Variants in COL14A1 observed in about 807,000 individuals in gnomAD.
The protein encoded by COL14A1 is collagen type XIV alpha 1 chain.
A neutral mutation model predicts 230.3 loss-of-function variants in COL14A1; 136 were observed. The observed-to-expected ratio is 0.59, with a 90% CI of 0.51 to 0.68. COL14A1 has a LOEUF of 0.68. Ranked by LOEUF, COL14A1 falls within the 30% of genes least tolerant of loss-of-function variation. The probability of loss-of-function intolerance (pLI) is 0.00; values close to 1 mark genes in which losing one functional copy is unlikely to be tolerated. For synonymous variants in COL14A1, 792 were observed against 784.1 expected (o/e 1.01, Z -0.17); for missense variants, 1,976 against 2,215.8 (o/e 0.89, Z 2.17).
rs557046624 is a variant in COL14A1 at position 120,236,757 on chromosome 8, G to A, written c.2349+5139G>A. Among the ~76,000 whole-genome samples, 19 of 152,220 alleles carry A rather than the reference G, an allele frequency of 1.2e-4. No homozygotes were observed. In the South Asian group the frequency reaches 3.1e-3, roughly 25 times the overall value. On this transcript the variant is annotated intron_variant, in intron 19 of 47. Coordinates refer to ENST00000297848, the MANE Select transcript of COL14A1 (RefSeq NM_021110.4). ...GTATGTTTTTGCAGTGGCTGGTACC[G>A]GTTTTTACTTTCCATATTTGTTACT...
At chr8:120,283,522 G>A (rs1820103100) in intron 31 of COL14A1, 114 bp from the exon 32 acceptor site, 3 of 1,053,922 alleles carry the variant, frequency 2.8e-6, no homozygotes, top group Non-Finnish European at 4.2e-6. Flanking sequence ...TGTTAATGGT[G>A]GTCTTTTCTG....
At chr8:120,295,105 T>C (rs7816360) in intron 34 of COL14A1, among the ~76,000 whole-genome samples, 3,140 of 151,932 alleles carry the variant, frequency 0.021, 115 homozygotes, top group African/African-American at 0.071. Context: ...TTCATGAAAA[T>C]GTTTTTGCTC....
chr8:120,292,514 AATGTG>A (rs1820403627), intron 34 of COL14A1, among the ~76,000 whole-genome samples: 1 of 152,130 alleles, frequency 6.6e-6, no homozygotes, highest in South Asian at 2.1e-4. Flanking sequence ...AGATCTCAAG[AATGTG>A]ATTGGAAACT....
intron 2 of COL14A1, among the ~76,000 whole-genome samples, chr8:120,149,805 C>T (rs1339364742): frequency 6.6e-6 from 1 of 151,838 alleles, no homozygotes; most frequent in Non-Finnish European, 1.5e-5. Flanking sequence ...AGCAATTCTC[C>T]TGCCCTAGCC....
chr8:120,250,473 C>T lies in COL14A1; in HGVS notation c.2603-144C>T, dbSNP rs904723059. On this transcript the variant is annotated intron_variant, in intron 21 of 47. Transcript: ENST00000297848. ...AGCAGTTTTTAGAGCTAGATGAGAC[C>T]AGATTCAAACCTCAACCCTGCTGTC... 1.3e-5 allele frequency: 11 copies of T among 822,340 alleles called. No homozygotes were observed. In the African/African-American group the frequency reaches 1.7e-4, roughly 13 times the overall value. 50.9% of individuals were successfully genotyped at this position (822,340 alleles called of 1,614,324 possible). A position where few individuals can be genotyped will look rare whatever the true frequency, so the allele number is the denominator to read the frequency against.
Position 120,342,264 on chromosome 8 carries a change from A to T in COL14A1, c.4822-116A>T, listed in dbSNP as rs1232343945. On this transcript the variant is annotated intron_variant, in intron 43 of 47. Transcript: ENST00000297848. Reference sequence around the variant, plus strand: ...GTGGTGGTCAAACCCACCTGTTGCTAGGGGCCAAAGATCCCTGATGGGAAC... The same window carrying T: ...GTGGTGGTCAAACCCACCTGTTGCTTGGGGCCAAAGATCCCTGATGGGAAC... The T allele has an allele frequency of 8.1e-6, 8 of 990,532 alleles. No individual in the cohort carries two copies. In the Admixed American group the frequency reaches 1.5e-4, roughly 19 times the overall value. The allele number at this position is 990,532 out of a possible 1,614,324, so 61.4% of individuals were successfully genotyped here.
chr8:120,161,113 T>A (rs1210176138), intron 3 of COL14A1, among the ~76,000 whole-genome samples: 1 of 152,090 alleles, frequency 6.6e-6, no homozygotes, highest in Non-Finnish European at 1.5e-5. Flanking sequence ...TAAACGCACA[T>A]AAGGAAATGG....
At chr8:120,164,080 A>G (rs1815781436) in intron 4 of COL14A1, among the ~76,000 whole-genome samples, 1 of 152,214 alleles carries the variant, frequency 6.6e-6, no homozygotes, top group African/African-American at 2.4e-5. Flanking sequence ...CTTCATTGCT[A>G]AAACAGACTC....
intron 40 of COL14A1, among the ~76,000 whole-genome samples, chr8:120,319,323 AT>A (rs1415964777): frequency 4.6e-5 from 7 of 151,576 alleles, no homozygotes; most frequent in Non-Finnish European, 5.9e-5. Flanking sequence ...TGTCTGGCTA[AT>A]TTTTTTATTT....
At chr8:120,349,150 T>C (rs1822650816) in intron 45 of COL14A1, among the ~76,000 whole-genome samples, 2 of 152,124 alleles carry the variant, frequency 1.3e-5, no homozygotes, top group African/African-American at 2.4e-5. Context: ...TGGCAGGGTA[T>C]TCCAACAGAC....
At chr8:120,290,285 A>G (rs140568862) in intron 34 of COL14A1, among the ~76,000 whole-genome samples, 1 of 152,180 alleles carries the variant, frequency 6.6e-6, no homozygotes, top group African/African-American at 2.4e-5. Context: ...TATTGTGATT[A>G]TTGAGTAACA....
At chr8:120,335,811 G>A (rs976883744) in intron 42 of COL14A1, among the ~76,000 whole-genome samples, 4 of 152,196 alleles carry the variant, frequency 2.6e-5, no homozygotes, top group African/African-American at 9.7e-5. Flanking sequence ...TTCCTCCACT[G>A]CAGTTGTTAG....
At chr8:120,284,891 C>A (rs1820146625) in intron 32 of COL14A1, among the ~76,000 whole-genome samples, 1 of 151,892 alleles carries the variant, frequency 6.6e-6, no homozygotes, top group African/African-American at 2.4e-5. Flanking sequence ...GTTAGTAATG[C>A]TTTGTATGCA....
chr8:120,133,257 A>G (rs1814602910), intron 1 of COL14A1, among the ~76,000 whole-genome samples: 1 of 151,876 alleles, frequency 6.6e-6, no homozygotes, highest in Non-Finnish European at 1.5e-5. Context: ...ACTGTTCCAA[A>G]GTACAGTATA....
chr8:120,290,418 C>T (rs1820337426), intron 34 of COL14A1, among the ~76,000 whole-genome samples: 1 of 152,098 alleles, frequency 6.6e-6, no homozygotes, highest in African/African-American at 2.4e-5. Flanking sequence ...ATAGTGCACA[C>T]AGTTTTTTGT....
At chr8:120,212,728 A>T in intron 13 of COL14A1, 151 bp downstream of exon 13, 2 of 804,068 alleles carry the variant, frequency 2.5e-6, no homozygotes, top group Non-Finnish European at 3.8e-6. Flanking sequence ...AAGGAAATGT[A>T]TTTCTTATAT....
intron 34 of COL14A1, among the ~76,000 whole-genome samples, chr8:120,290,462 A>C (rs1820339132): frequency 6.6e-6 from 1 of 152,210 alleles, no homozygotes. Flanking sequence ...AATTAGCAGC[A>C]TTCTCTAATT....
intron 45 of COL14A1, among the ~76,000 whole-genome samples, chr8:120,350,106 T>G (rs1467478419): frequency 0.014 from 2,088 of 151,480 alleles, 43 homozygotes; most frequent in African/African-American, 0.047. Context: ...AAAAGAATTT[T>G]CAACCCAGAA....
chr8:120,322,513 AT>A (rs1193038125), intron 40 of COL14A1, among the ~76,000 whole-genome samples: 1 of 152,168 alleles, frequency 6.6e-6, no homozygotes, highest in Non-Finnish European at 1.5e-5. Context: ...CCTAGTATAC[AT>A]TAATTATTTT....
Sources: allele counts gnomAD v4.1 joint callset (sites outside exome capture counted in the v4.1 genomes callset), GRCh38; gene constraint gnomAD v4.1.1; transcripts MANE v1.5; gene names NCBI Gene and HGNC (gene_info 2026-07-23, HGNC 2026-07-21).